Variants in ALKBH1 observed in about 807,000 individuals in gnomAD.
ALKBH1 encodes the protein nucleic acid dioxygenase ALKBH1.
Under a neutral mutation model 36.6 loss-of-function variants are expected in ALKBH1, and 31 were observed. The observed-to-expected ratio is 0.85, with a 90% CI of 0.64 to 1.14. ALKBH1 has a LOEUF of 1.14. ALKBH1 is among the 50% of genes most tolerant of loss of function. The pLI is 0.00. For missense variants in ALKBH1, 490 were observed against 497.3 expected (o/e 0.99, Z 0.14); for synonymous variants, 183 against 186.6 (o/e 0.98, Z 0.16).
intron 1 of ALKBH1, among the ~76,000 whole-genome samples, chr14:77,706,632 C>CATA (rs1385568992): frequency 1.1e-4 from 16 of 152,322 alleles, no homozygotes; most frequent in African/African-American, 3.8e-4. Flanking sequence ...GTACTAGACA[C>CATA]ATAATGGCTC....
chr14:77,700,661 T>C (rs887450138), intron 2 of ALKBH1, among the ~76,000 whole-genome samples: 2 of 152,208 alleles, frequency 1.3e-5, no homozygotes, highest in African/African-American at 2.4e-5. Context: ...AAGAATATTA[T>C]AATATTCCCA....
Position 77,694,724 on chromosome 14 carries a change from T to C in ALKBH1, c.455+14A>G. 3 of 1,567,556 alleles carry C rather than the reference T, an allele frequency of 1.9e-6. No homozygotes were observed. The highest frequency in any genetic ancestry group is 2.6e-6 in the Non-Finnish European group (3 of 1,160,120). On this transcript the variant is annotated intron_variant, in intron 3 of 5. Coordinates refer to ENST00000216489, the MANE Select transcript of ALKBH1 (RefSeq NM_006020.3). ...GCTGAGTATTAACACTTCATTCTGA[T>C]TGACAAGACTTACCTCAGGAACTCT...
chr14:77,697,553 A>AATCTCCAGCAAAGACAACCGG (rs1300274938), intron 2 of ALKBH1, among the ~76,000 whole-genome samples: 2 of 152,074 alleles, frequency 1.3e-5, no homozygotes, highest in Non-Finnish European at 2.9e-5. Flanking sequence ...CTCCAGTCTT[A>AATCTCCAGCAAAGACAACCGG]ATCTCCAGCA....
intron 1 of ALKBH1, among the ~76,000 whole-genome samples, chr14:77,705,005 TGA>T (rs2080380455): frequency 6.6e-6 from 1 of 152,238 alleles, no homozygotes; most frequent in Non-Finnish European, 1.5e-5. Flanking sequence ...TGAAATATCT[TGA>T]GTCACAAAGC....
chr14:77,680,247 A>C (rs1442596701), intron 3 of ALKBH1, among the ~76,000 whole-genome samples: 2 of 152,226 alleles, frequency 1.3e-5, no homozygotes, highest in African/African-American at 4.8e-5. Flanking sequence ...TGATAAAATA[A>C]GAATGACAAC....
chr14:77,680,774 G>A (rs2080233554), intron 3 of ALKBH1, among the ~76,000 whole-genome samples: 1 of 149,386 alleles, frequency 6.7e-6, no homozygotes, highest in Non-Finnish European at 1.5e-5. Flanking sequence ...CCGCCTCCCA[G>A]GTTCAAGCAA....
intron 3 of ALKBH1, among the ~76,000 whole-genome samples, chr14:77,680,677 CTTTTT>C (rs1555383644): frequency 2.3e-4 from 29 of 124,348 alleles, no homozygotes; most frequent in African/African-American, 7.3e-4. Context: ...ATTAACTACT[CTTTTT>C]TTTTTTTTTT....
chr14:77,703,748 C>A (rs925269716), intron 2 of ALKBH1, among the ~76,000 whole-genome samples: 2 of 151,920 alleles, frequency 1.3e-5, no homozygotes, highest in African/African-American at 2.4e-5. Flanking sequence ...CAGGCACGCA[C>A]CACCATGCCC....
At chr14:77,705,336 G>T (rs1048365568) in intron 1 of ALKBH1, among the ~76,000 whole-genome samples, 1 of 150,336 alleles carries the variant, frequency 6.7e-6, no homozygotes, top group Non-Finnish European at 1.5e-5. Flanking sequence ...GCTTCAACCT[G>T]GGAGGTGAAA....
At chr14:77,683,999 T>C (rs1355719751) in intron 3 of ALKBH1, 4 of 152,716 alleles carry the variant, frequency 2.6e-5, no homozygotes, top group Non-Finnish European at 5.9e-5. Context: ...TTTTCGCAAA[T>C]TACTGGAAGA....
At chr14:77,682,106 C>G (rs553707312) in intron 3 of ALKBH1, among the ~76,000 whole-genome samples, 1 of 152,020 alleles carries the variant, frequency 6.6e-6, no homozygotes, top group Non-Finnish European at 1.5e-5. Flanking sequence ...AGACAGATAA[C>G]TAATAATTTA....
intron 2 of ALKBH1, among the ~76,000 whole-genome samples, chr14:77,701,109 C>A (rs1156998305): frequency 6.6e-6 from 1 of 151,792 alleles, no homozygotes; most frequent in Non-Finnish European, 1.5e-5. Context: ...ACAAACAAAA[C>A]CAAACTCTGC....
intron 2 of ALKBH1, among the ~76,000 whole-genome samples, chr14:77,702,120 G>A (rs539880423): frequency 6.6e-6 from 1 of 152,252 alleles, no homozygotes; most frequent in Admixed American, 6.5e-5. Flanking sequence ...CCAACATGGT[G>A]AAACCCCATC....
intron 3 of ALKBH1, among the ~76,000 whole-genome samples, chr14:77,680,372 C>A (rs904289505): frequency 6.6e-6 from 1 of 152,108 alleles, no homozygotes; most frequent in Non-Finnish European, 1.5e-5. Context: ...AAGCAGGGTA[C>A]AGTTAATCAC....
At chr14:77,696,105 A>G (rs1369673092) in intron 2 of ALKBH1, among the ~76,000 whole-genome samples, 1 of 152,188 alleles carries the variant, frequency 6.6e-6, no homozygotes, top group Non-Finnish European at 1.5e-5. Context: ...AACAAAAGAT[A>G]AATAATAATA....
chr14:77,693,688 A>G (rs1206107506), intron 3 of ALKBH1, among the ~76,000 whole-genome samples: 1 of 152,134 alleles, frequency 6.6e-6, no homozygotes, highest in Non-Finnish European at 1.5e-5. Flanking sequence ...ATAACCCAAT[A>G]AAAAAATCAT....
At position 77,685,996 on chromosome 14, in the gene ALKBH1, A is replaced by G. The variant is rs116389818; in HGVS notation, c.456-6026T>C. Among the ~76,000 whole-genome samples, 766 of 152,252 alleles carry G rather than the reference A, an allele frequency of 5.0e-3. 10 individuals are homozygous for G. Among genetic ancestry groups the G allele is most frequent in the African/African-American group, 0.017 (710 of 41,562 alleles). ...TAAGTGCATTAGACCCTCATTTTAT[A>G]TTCTCTTCTGAAAACCTGATTTCAA... On this transcript the variant is annotated intron_variant, in intron 3 of 5. Transcript: ENST00000216489.
chr14:77,685,445 A>AC (rs397760470), intron 3 of ALKBH1, among the ~76,000 whole-genome samples: 1 of 139,064 alleles, frequency 7.2e-6, no homozygotes, highest in Non-Finnish European at 1.6e-5. Context: ...TTAAAAAAAA[A>AC]CACAAAAAAA....
intron 3 of ALKBH1, chr14:77,683,063 G>A (rs1054752878): frequency 4.6e-6 from 2 of 434,882 alleles, no homozygotes; most frequent in African/African-American, 4.0e-5. Context: ...TGTTGTCCAG[G>A]ATGATCTTGA....
Sources: gnomAD v4.1 joint callset for allele counts (sites outside exome capture counted in the v4.1 genomes callset) on GRCh38, gnomAD v4.1.1 for gene constraint, MANE v1.5 for transcripts, NCBI Gene and HGNC (gene_info 2026-07-23, HGNC 2026-07-21) for gene names.